The following IL1RAP variants were observed in gnomAD, a reference collection of about 807,000 sequenced individuals.
The protein encoded by IL1RAP is interleukin-1 receptor accessory protein.
Under a neutral mutation model 60.7 loss-of-function variants are expected in IL1RAP, and 35 were observed. That is an observed-to-expected ratio of 0.58 (90% CI 0.44 to 0.76). The LOEUF is 0.76. Ranked by LOEUF, IL1RAP falls within the 30% of genes least tolerant of loss-of-function variation. The probability of loss-of-function intolerance (pLI) is 0.00; values close to 1 mark genes in which losing one functional copy is unlikely to be tolerated. For synonymous variants in IL1RAP, 268 were observed against 250.9 expected (o/e 1.07, Z -0.64); for missense variants, 572 against 693.9 (o/e 0.82, Z 1.97).
Position 190,649,945 on chromosome 3 carries a change from T to TAC in IL1RAP, c.*1245_*1246dup. The TAC allele has an allele frequency of 2.5e-6, 2 of 807,706 alleles. No homozygotes were observed. Among genetic ancestry groups the TAC allele is most frequent in the Non-Finnish European group, 3.0e-6 (2 of 668,106 alleles). 50.0% of individuals were successfully genotyped at this position (807,706 alleles called of 1,614,324 possible). A position where few individuals can be genotyped will look rare whatever the true frequency, so the allele number is the denominator to read the frequency against. ...GTTACATGTAGATTATACATATATA[T>TAC]ACACACGTGTATATGAGATATATAT... is the stretch of plus-strand genomic sequence containing the variant. On this transcript the variant is annotated 3_prime_UTR_variant, in exon 12 of 12. Transcript: ENST00000447382.
rs1725279091 is a variant in IL1RAP at position 190,555,009 on chromosome 3, T to C, written c.-88-1121T>C. ...TTTCTAACAGCTTGTAGAAAATGCCTTTCTCTCGAGAGTCTCATAGACAGG... is the reference window on the plus strand; with the variant it reads ...TTTCTAACAGCTTGTAGAAAATGCCCTTCTCTCGAGAGTCTCATAGACAGG... On this transcript the variant is annotated intron_variant, in intron 1 of 11. Coordinates refer to ENST00000447382, the MANE Select transcript of IL1RAP (RefSeq NM_002182.4). Among the ~76,000 whole-genome samples, 4 of 152,302 alleles carry C rather than the reference T, an allele frequency of 2.6e-5. No individual in the cohort carries two copies. In the South Asian group the frequency reaches 8.3e-4, roughly 32 times the overall value.
chr3:190,618,964 T>G (rs1731518477), intron 5 of IL1RAP, among the ~76,000 whole-genome samples: 1 of 152,188 alleles, frequency 6.6e-6, no homozygotes, highest in African/African-American at 2.4e-5. Context: ...AAGTACATGC[T>G]CCAGGAATTG....
At position 190,549,099 on chromosome 3, in the gene IL1RAP, G is replaced by GA. The variant is rs1560159226; in HGVS notation, c.-88-7031_-88-7030insA. On this transcript the variant is annotated intron_variant, in intron 1 of 11. Coordinates refer to ENST00000447382, the MANE Select transcript of IL1RAP (RefSeq NM_002182.4). Reference sequence around the variant, plus strand: ...AAAAATGGGATTTATTTGGCAAAAAGGAAAAAAAGGGAAACAGGGACTCTC... The same window carrying GA: ...AAAAATGGGATTTATTTGGCAAAAAGAGAAAAAAAGGGAAACAGGGACTCTC... Among the ~76,000 whole-genome samples the GA allele has an allele frequency of 5.1e-4, 66 of 130,098 alleles. 1 individual carries two copies. In the Middle Eastern group the frequency reaches 0.027, roughly 54 times the overall value. The allele number at this position is 130,098 out of a possible 152,430, so 85.3% of individuals were successfully genotyped here. A position where few individuals can be genotyped will look rare whatever the true frequency, so the allele number is the denominator to read the frequency against.
chr3:190,607,642 G>T (rs1023420300), intron 4 of IL1RAP, among the ~76,000 whole-genome samples: 5 of 152,190 alleles, frequency 3.3e-5, no homozygotes, highest in African/African-American at 1.2e-4. Flanking sequence ...GGTGGGGGAA[G>T]TAAGCCCTCC....
chr3:190,635,622 G>T (rs1733157264), intron 9 of IL1RAP, among the ~76,000 whole-genome samples: 1 of 151,994 alleles, frequency 6.6e-6, no homozygotes, highest in Admixed American at 6.6e-5. Flanking sequence ...TTATTTCAGT[G>T]TGTGTTTTTT....
chr3:190,598,531 T>A (rs1170362160), intron 3 of IL1RAP, among the ~76,000 whole-genome samples: 1 of 152,250 alleles, frequency 6.6e-6, no homozygotes, highest in East Asian at 1.9e-4. Flanking sequence ...TTTATTCTAA[T>A]TATTATTTTA....
intron 3 of IL1RAP, among the ~76,000 whole-genome samples, chr3:190,570,180 A>T (rs1726787910): frequency 6.6e-6 from 1 of 152,338 alleles, no homozygotes; most frequent in Non-Finnish European, 1.5e-5. Flanking sequence ...GAGAAAATGG[A>T]TACATTTAAC....
At chr3:190,656,330 C>T, downstream of IL1RAP, 2 of 1,537,256 alleles carry the variant, frequency 1.3e-6, no homozygotes, top group Non-Finnish European at 1.7e-6. Flanking sequence ...CCTCCAGCCC[C>T]AGGCACAATG....
intron 9 of IL1RAP, among the ~76,000 whole-genome samples, chr3:190,634,276 C>A (rs1733014548): frequency 1.3e-5 from 2 of 149,850 alleles, no homozygotes; most frequent in Non-Finnish European, 3.0e-5. Flanking sequence ...GATTTTTGTT[C>A]ATGTTAAGAA....
chr3:190,642,040 C>T (rs1176396264), intron 9 of IL1RAP: 1 of 152,196 alleles, frequency 6.6e-6, no homozygotes, highest in Non-Finnish European at 1.5e-5. Context: ...TTAATATCCC[C>T]AGTTTAGGAT....
At chr3:190,566,149 A>T (rs1328221440) in intron 3 of IL1RAP, among the ~76,000 whole-genome samples, 1 of 152,002 alleles carries the variant, frequency 6.6e-6, no homozygotes, top group South Asian at 2.1e-4. Context: ...TTGTTCAGGA[A>T]CTTTTGTTTG....
chr3:190,648,290 G>C, intron 11 of IL1RAP, 48 bp from the exon 12 acceptor site: 1 of 1,527,346 alleles, frequency 6.5e-7, no homozygotes, highest in Non-Finnish European at 8.7e-7. Context: ...CAATGCTTTT[G>C]GGGAGTTTTT....
chr3:190,586,328 T>C (rs1234284139), intron 3 of IL1RAP, among the ~76,000 whole-genome samples: 1 of 152,220 alleles, frequency 6.6e-6, no homozygotes, highest in Non-Finnish European at 1.5e-5. Context: ...TAACATAAAC[T>C]GTTGCATGTG....
At chr3:190,521,432 A>G (rs2108598936) in intron 1 of IL1RAP, among the ~76,000 whole-genome samples, 1 of 151,412 alleles carries the variant, frequency 6.6e-6, no homozygotes, top group South Asian at 2.1e-4. Flanking sequence ...CTTGGACCCT[A>G]GTTTTCTAAC....
intron 1 of IL1RAP, among the ~76,000 whole-genome samples, chr3:190,548,554 C>A (rs1007852995): frequency 6.6e-6 from 1 of 152,096 alleles, no homozygotes. Flanking sequence ...GTACTTATTG[C>A]ATAACAAAAT....
At chr3:190,589,480 C>T (rs1473519713) in intron 3 of IL1RAP, among the ~76,000 whole-genome samples, 2 of 152,096 alleles carry the variant, frequency 1.3e-5, no homozygotes, top group African/African-American at 2.4e-5. Flanking sequence ...GAGACTGCAC[C>T]GGCGTTTCGC....
intron 3 of IL1RAP, among the ~76,000 whole-genome samples, chr3:190,579,740 C>G (rs1185127135): frequency 1.3e-5 from 2 of 152,184 alleles, no homozygotes; most frequent in African/African-American, 4.8e-5. Context: ...ACAACCCATT[C>G]TCCCCCACCC....
intron 7 of IL1RAP, among the ~76,000 whole-genome samples, chr3:190,625,549 A>T (rs921108165): frequency 6.6e-6 from 1 of 152,240 alleles, no homozygotes; most frequent in African/African-American, 2.4e-5. Context: ...AATTTTAAAT[A>T]TGACATTTTT....
intron 5 of IL1RAP, among the ~76,000 whole-genome samples, chr3:190,615,596 G>A (rs1001652601): frequency 2.0e-5 from 3 of 152,162 alleles, no homozygotes; most frequent in African/African-American, 7.2e-5. Context: ...ACTCTCACCT[G>A]CTATTTATCA....
Sources: allele counts gnomAD v4.1 joint callset (sites outside exome capture counted in the v4.1 genomes callset), GRCh38; gene constraint gnomAD v4.1.1; transcripts MANE v1.5; gene names NCBI Gene and HGNC (gene_info 2026-07-23, HGNC 2026-07-21).